The following PLS1 variants were observed in gnomAD, a reference collection of about 807,000 sequenced individuals.
PLS1 encodes the protein plastin 1, also known as plastin-1.
In PLS1, 32 loss-of-function variants were observed where a neutral mutation model predicts 73.7. The observed-to-expected ratio is 0.43, with a 90% CI of 0.33 to 0.58. The LOEUF (loss-of-function observed/expected upper bound fraction) is 0.58. Ranked by LOEUF, PLS1 falls within the 20% of genes least tolerant of loss-of-function variation. The pLI, the probability that PLS1 is intolerant of heterozygous loss-of-function variation, is 0.04. For synonymous variants in PLS1, 217 were observed against 261.3 expected, an observed-to-expected ratio of 0.83 and a Z score of 1.63; for missense variants, 633 against 740.5, an observed-to-expected ratio of 0.85 and a Z score of 1.68.
chr3:142,626,084 AAACTT>A (rs1399099241), intron 1 of PLS1, among the ~76,000 whole-genome samples: 1 of 152,204 alleles, frequency 6.6e-6, no homozygotes, highest in African/African-American at 2.4e-5. Context: ...CACTAAAACT[AAACTT>A]AAGAGGATAA....
chr3:142,695,921 A>G (rs1038045934), intron 11 of PLS1, among the ~76,000 whole-genome samples: 8 of 151,954 alleles, frequency 5.3e-5, no homozygotes, highest in African/African-American at 1.9e-4. Flanking sequence ...CAGCCTCCCA[A>G]GTAGCTGGGA....
chr3:142,698,000 G>A lies in PLS1; in HGVS notation c.1304G>A (p.Arg435Gln), dbSNP rs1031954859. The stretch of plus-strand genomic sequence containing the variant: ...ATCTTTCAGCTCTATGAGATGATCC[G>A]AGTGCCAGTCAACTGGAGCCATGTC... ...LVIFQLYEMI[R>Q]VPVNWSHVNK... Residue 435 changes from arginine to glutamine, a missense_variant, in exon 12 of 16, where the codon CGA becomes CAA. Transcript: ENST00000457734. 1.5e-5 allele frequency: 25 copies of A among 1,613,512 alleles called. No homozygotes were observed. The highest frequency in any genetic ancestry group is 1.8e-5 in the Non-Finnish European group (21 of 1,179,632).
chr3:142,661,963 G>A (rs2037381816), intron 1 of PLS1, among the ~76,000 whole-genome samples: 1 of 152,106 alleles, frequency 6.6e-6, no homozygotes, highest in African/African-American at 2.4e-5. Flanking sequence ...TACACTGTTG[G>A]TGGGAGTGTA....
intron 14 of PLS1, among the ~76,000 whole-genome samples, chr3:142,706,006 A>G (rs1373880883): frequency 2.0e-5 from 3 of 152,242 alleles, no homozygotes; most frequent in African/African-American, 7.2e-5. Context: ...GGATTGTATT[A>G]TAAAATTCTC....
In PLS1 at chr3:142,601,059, G is replaced by A. The variant is rs1179404210; in HGVS notation, c.-37+4550G>A. Among the ~76,000 whole-genome samples, 227 of 144,386 alleles carry A rather than the reference G, an allele frequency of 1.6e-3. 5 individuals are homozygous for A. Among genetic ancestry groups the A allele is most frequent in the African/African-American group, 5.5e-3 (217 of 39,350 alleles). 94.7% of individuals were successfully genotyped at this position (144,386 alleles called of 152,430 possible). A position where few individuals can be genotyped will look rare whatever the true frequency, so the allele number is the denominator to read the frequency against. ...CTGCCTCAGCCTCCCGAGTAGCTGGGACTACAGGCACCCGCCACCACGCCC... is the reference window on the plus strand; with the variant it reads ...CTGCCTCAGCCTCCCGAGTAGCTGGAACTACAGGCACCCGCCACCACGCCC... On this transcript the variant is annotated intron_variant, in intron 1 of 15. Transcript: ENST00000457734.
At chr3:142,603,280 TATA>T (rs2035958667) in intron 1 of PLS1, among the ~76,000 whole-genome samples, 1 of 152,184 alleles carries the variant, frequency 6.6e-6, no homozygotes, top group African/African-American at 2.4e-5. Flanking sequence ...TGCTTTTTAT[TATA>T]GTAATATTGT....
intron 4 of PLS1, among the ~76,000 whole-genome samples, chr3:142,675,140 G>A (rs1436649956): frequency 1.3e-5 from 2 of 152,134 alleles, no homozygotes; most frequent in Non-Finnish European, 2.9e-5. Flanking sequence ...AAAAATCACA[G>A]CTCTCTAAAC....
At chr3:142,678,165 G>C in intron 6 of PLS1, 52 bp downstream of exon 6, 1 of 817,290 alleles carries the variant, frequency 1.2e-6, no homozygotes. Context: ...AGAAATATAA[G>C]ACCTTTATTA....
At chr3:142,600,373 A>T (rs953183577) in intron 1 of PLS1, among the ~76,000 whole-genome samples, 1 of 152,104 alleles carries the variant, frequency 6.6e-6, no homozygotes, top group African/African-American at 2.4e-5. Context: ...GATATATTGT[A>T]CACTACCAGG....
chr3:142,689,551 C>A, intron 9 of PLS1, 67 bp from the exon 10 acceptor site: 1 of 852,032 alleles, frequency 1.2e-6, no homozygotes, highest in Non-Finnish European at 1.8e-6. Flanking sequence ...TGCTTATAAA[C>A]ATGTATACCA....
At chr3:142,704,366 G>T in intron 13 of PLS1, 97 bp from the exon 14 acceptor site, 2 of 939,446 alleles carry the variant, frequency 2.1e-6, no homozygotes, top group South Asian at 3.4e-5. Flanking sequence ...TATTAGAACT[G>T]AACTATTTCT....
chr3:142,623,598 A>G (rs2036358606), intron 1 of PLS1: 2 of 152,208 alleles, frequency 1.3e-5, no homozygotes, highest in Non-Finnish European at 2.9e-5. Context: ...TAGCAGTAAG[A>G]CAGCCTCGGA....
chr3:142,711,925 A>T lies in PLS1; in HGVS notation c.1808A>T (p.Asp603Val). Residue 603 changes from aspartate to valine, a missense_variant, in exon 16 of 16, where the codon GAT becomes GTT. By Grantham distance (152) the Asp-to-Val change is radical. Coordinates refer to ENST00000457734, the MANE Select transcript of PLS1 (RefSeq NM_001145319.2). ...KIGARIYALPDDLVEVKPKMV... is the reference protein window; with the variant it reads ...KIGARIYALPVDLVEVKPKMV... ...GGTGCCCGGATATATGCATTACCTGATGACCTCGTAGAAGTGAAACCAAAG... is the reference window on the plus strand; with the variant it reads ...GGTGCCCGGATATATGCATTACCTGTTGACCTCGTAGAAGTGAAACCAAAG... 6.2e-7 allele frequency: 1 copy of T among 1,613,408 alleles called. No homozygotes were observed.
intron 1 of PLS1, among the ~76,000 whole-genome samples, chr3:142,607,736 G>A (rs1409967971): frequency 6.6e-6 from 1 of 152,110 alleles, no homozygotes; most frequent in Non-Finnish European, 1.5e-5. Flanking sequence ...GATACCACAT[G>A]ACATTTAGTT....
chr3:142,652,849 G>A (rs561122781), intron 1 of PLS1, among the ~76,000 whole-genome samples: 4 of 152,154 alleles, frequency 2.6e-5, no homozygotes, highest in Non-Finnish European at 4.4e-5. Context: ...AACTCTGCAC[G>A]CTCATTCATT....
Position 142,671,130 on chromosome 3 carries a change from A to G in PLS1, c.364+8A>G. On this transcript the variant is annotated splice_region_variant and intron_variant, in intron 4 of 15. Transcript: ENST00000457734. ...CACAGCATTCTTATTCAGGTAACTGACTTCTCCAAATTTGATCTTTTAGTC... is the reference window on the plus strand; with the variant it reads ...CACAGCATTCTTATTCAGGTAACTGGCTTCTCCAAATTTGATCTTTTAGTC... 1 of 1,609,672 alleles carries G rather than the reference A, an allele frequency of 6.2e-7. No homozygotes were observed. Among genetic ancestry groups the G allele is most frequent in the Admixed American group, 1.7e-5 (1 of 59,850 alleles).
chr3:142,635,203 CAA>C (rs1282967740), intron 1 of PLS1, among the ~76,000 whole-genome samples: 8 of 151,004 alleles, frequency 5.3e-5, no homozygotes, highest in Admixed American at 2.6e-4. Context: ...AGAATTATAA[CAA>C]GAGAAGAAAG....
rs541713499 is a variant in PLS1, at chr3:142,713,134, G to A, written c.*1127G>A. The A allele has an allele frequency of 3.9e-5, 6 of 152,614 alleles. No homozygotes were observed. In the East Asian group the frequency reaches 1.2e-3, roughly 29 times the overall value. The allele number at this position is 152,614 out of a possible 1,614,324, so 9.5% of individuals were successfully genotyped here. ...TCACAGCCCGTTACAAATTGGCAAT[G>A]TTTGGTTAATGTTTGTATTACTTGG... On this transcript the variant is annotated 3_prime_UTR_variant, in exon 16 of 16. Transcript: ENST00000457734.
chr3:142,678,074 A>G lies in PLS1; in HGVS notation c.540A>G (p.Arg180=). ...NLSEPDTIDE[R]AINKKKLTPF... ...CTGAACCAGATACAATTGATGAAAG[A>G]GCCATCAATAAGAAAAAGCTCACGC... Residue 180 remains arginine (R), a synonymous_variant, in exon 6 of 16, where the codon AGA becomes AGG. Transcript: ENST00000457734. 1 of 1,555,280 alleles carries G rather than the reference A, an allele frequency of 6.4e-7. No homozygotes were observed. Among genetic ancestry groups the G allele is most frequent in the Non-Finnish European group, 8.7e-7 (1 of 1,146,774 alleles).
Sources: gnomAD v4.1 joint callset for allele counts (sites outside exome capture counted in the v4.1 genomes callset) on GRCh38, gnomAD v4.1.1 for gene constraint, MANE v1.5 for transcripts, NCBI Gene and HGNC (gene_info 2026-07-23, HGNC 2026-07-21) for gene names.